The following KCNIP1 variants were observed in gnomAD, a reference collection of about 807,000 sequenced individuals.
KCNIP1 encodes the protein potassium voltage-gated channel interacting protein 1, also known as A-type potassium channel modulatory protein KCNIP1.
KCNIP1 carries 18 observed loss-of-function variants against 33.0 expected under a neutral mutation model. The ratio of observed to expected loss-of-function variants is 0.55; its 90% CI spans 0.38 to 0.81. The LOEUF is 0.81. Among genes scored for constraint, KCNIP1 ranks in the 30% least tolerant of loss-of-function variants. The pLI, the probability that KCNIP1 is intolerant of heterozygous loss-of-function variation, is 0.00. For synonymous variants in KCNIP1, 93 were observed against 98.3 expected (o/e 0.95, Z 0.32); for missense variants, 238 against 271.6 (o/e 0.88, Z 0.87).
chr5:170,480,639 TC>T (rs1756956365), intron 1 of KCNIP1, among the ~76,000 whole-genome samples: 1 of 152,010 alleles, frequency 6.6e-6, no homozygotes, highest in Non-Finnish European at 1.5e-5. Context: ...AGATGGGGTC[TC>T]TCCATATTTC....
chr5:170,575,250 G>T (rs1040006680), intron 1 of KCNIP1, among the ~76,000 whole-genome samples: 1 of 152,174 alleles, frequency 6.6e-6, no homozygotes, highest in African/African-American at 2.4e-5. Context: ...GAGCTAAAAA[G>T]CATAAGGATT....
At chr5:170,386,130 A>G (rs1211293310) in intron 1 of KCNIP1, among the ~76,000 whole-genome samples, 1 of 150,498 alleles carries the variant, frequency 6.6e-6, no homozygotes, top group Non-Finnish European at 1.5e-5. Flanking sequence ...GTCAAAAAAA[A>G]AAACAAAAAA....
At chr5:170,664,031 TTC>T (rs1468142660) in intron 1 of KCNIP1, among the ~76,000 whole-genome samples, 1 of 152,092 alleles carries the variant, frequency 6.6e-6, no homozygotes, top group African/African-American at 2.4e-5. Context: ...CCATGCCACT[TTC>T]TCCCACAGCT....
intron 1 of KCNIP1, among the ~76,000 whole-genome samples, chr5:170,575,960 C>T (rs1351065338): frequency 6.6e-6 from 1 of 152,172 alleles, no homozygotes; most frequent in East Asian, 1.9e-4. Context: ...TCCAATGTAT[C>T]AGTTAGCTAT....
intron 5 of KCNIP1, among the ~76,000 whole-genome samples, chr5:170,725,965 A>G (rs1028288951): frequency 6.6e-6 from 1 of 152,218 alleles, no homozygotes; most frequent in Non-Finnish European, 1.5e-5. Flanking sequence ...CCTCATGCCA[A>G]ACATAAACAT....
Position 170,414,898 on chromosome 5 carries a change from G to A in KCNIP1, c.88+60934G>A, listed in dbSNP as rs554632219. On this transcript the variant is annotated intron_variant, in intron 1 of 7. Coordinates refer to the KCNIP1 transcript ENST00000377360. ...GGCTTCTTGTTTCTATGTGTGATGC[G>A]AAAAGGAAGCTGTGGAAATGGGGAG... is the stretch of plus-strand genomic sequence containing the variant. Among the ~76,000 whole-genome samples, 37 of 152,278 alleles carry A rather than the reference G, an allele frequency of 2.4e-4. 1 individual carries two copies. The highest frequency in any genetic ancestry group is 2.1e-3 in the Admixed American group (32 of 15,302).
chr5:170,700,717 G>A (rs1581518616), intron 1 of KCNIP1, among the ~76,000 whole-genome samples: 1 of 152,200 alleles, frequency 6.6e-6, no homozygotes, highest in Non-Finnish European at 1.5e-5. Flanking sequence ...TGCCCTGCGG[G>A]ACACCTGTGG....
chr5:170,443,513 A>G (rs1366653603), intron 1 of KCNIP1, among the ~76,000 whole-genome samples: 1 of 152,236 alleles, frequency 6.6e-6, no homozygotes, highest in East Asian at 1.9e-4. Context: ...AAGAACAGGT[A>G]GAATGATTAT....
chr5:170,389,128 C>G (rs563716125), intron 1 of KCNIP1: 1 of 152,482 alleles, frequency 6.6e-6, no homozygotes, highest in South Asian at 2.1e-4. Flanking sequence ...TCCAGAAGGA[C>G]AGCCCCGAGA....
At chr5:170,502,328 C>T (rs2112602), upstream of KCNIP1, among the ~76,000 whole-genome samples, 120,708 of 152,162 alleles carry the variant, frequency 0.79, 48,105 homozygotes, top group East Asian at 0.99. Context: ...AAATGCTGCA[C>T]AGGTGAAGAA....
intron 1 of KCNIP1, among the ~76,000 whole-genome samples, chr5:170,421,196 G>A (rs1179174970): frequency 1.3e-5 from 2 of 152,100 alleles, no homozygotes; most frequent in Admixed American, 6.5e-5. Context: ...TTATGATGTC[G>A]GCAAACCTTG....
intron 1 of KCNIP1, among the ~76,000 whole-genome samples, chr5:170,671,543 T>C (rs1417629388): frequency 1.3e-5 from 2 of 152,224 alleles, no homozygotes; most frequent in Non-Finnish European, 2.9e-5. Flanking sequence ...TATGCTGTCA[T>C]GGCCCTGAGT....
chr5:170,556,090 C>T (rs561505874), intron 1 of KCNIP1, among the ~76,000 whole-genome samples: 3 of 152,266 alleles, frequency 2.0e-5, no homozygotes, highest in Admixed American at 6.5e-5. Flanking sequence ...GTACGAGGCA[C>T]GGGATTATGC....
At chr5:170,429,193 C>T (rs1266120663) in intron 1 of KCNIP1, among the ~76,000 whole-genome samples, 1 of 152,150 alleles carries the variant, frequency 6.6e-6, no homozygotes, top group East Asian at 1.9e-4. Context: ...CCTTCAGCAA[C>T]CCTGTTCTCC....
intron 1 of KCNIP1, among the ~76,000 whole-genome samples, chr5:170,474,730 G>A (rs1470849002): frequency 2.6e-5 from 4 of 152,204 alleles, no homozygotes; most frequent in African/African-American, 9.7e-5. Context: ...TGCTGCGAGT[G>A]GAACCCAGGT....
chr5:170,726,743 T>TAAAAAAAAAAAAAA (rs1764019336), intron 5 of KCNIP1, among the ~76,000 whole-genome samples: 1 of 28,628 alleles, frequency 3.5e-5, no homozygotes, highest in African/African-American at 1.4e-4. Flanking sequence ...CTACTAAAAA[T>TAAAAAAAAAAAAAA]ACAAAAAAAA....
chr5:170,413,928 TA>T (rs3051750), intron 1 of KCNIP1, among the ~76,000 whole-genome samples: 16,614 of 138,146 alleles, frequency 0.12, 1,049 homozygotes, highest in Middle Eastern at 0.22. Context: ...GAGTGGAAGT[TA>T]AAAAAAAAAA....
At chr5:170,353,807 C>T in exon 1 of KCNIP1, 3 of 1,441,402 alleles carry the variant, frequency 2.1e-6, no homozygotes, top group Non-Finnish European at 1.9e-6. Flanking sequence ...GCTCCAAGTT[C>T]CTGGGGTGCA....
At chr5:170,685,577 C>T (rs1278209255) in intron 1 of KCNIP1, among the ~76,000 whole-genome samples, 2 of 151,988 alleles carry the variant, frequency 1.3e-5, no homozygotes, top group African/African-American at 4.8e-5. Flanking sequence ...AAACCTCTGC[C>T]TCCCGGGTTT....
Sources: gnomAD v4.1 joint callset for allele counts (sites outside exome capture counted in the v4.1 genomes callset) on GRCh38, gnomAD v4.1.1 for gene constraint, MANE v1.5 for transcripts, NCBI Gene and HGNC (gene_info 2026-07-23, HGNC 2026-07-21) for gene names.